Variants in ZNF407 observed in about 807,000 individuals in gnomAD.
The protein encoded by ZNF407 is zinc finger protein 407.
Under a neutral mutation model 131.2 loss-of-function variants are expected in ZNF407, and 17 were observed. The observed-to-expected ratio is 0.13, with a 90% CI of 0.09 to 0.19. ZNF407 has a LOEUF of 0.19. Among genes scored for constraint, ZNF407 ranks in the 10% least tolerant of loss-of-function variants. The pLI is 1.00. For missense variants in ZNF407, 2,681 were observed against 2,830.6 expected (o/e 0.95, Z 1.20); for synonymous variants, 1,156 against 1,062.0 (o/e 1.09, Z -1.72).
chr18:74,936,467 C>T (rs1024251314), intron 8 of ZNF407, among the ~76,000 whole-genome samples: 4 of 152,280 alleles, frequency 2.6e-5, no homozygotes, highest in Non-Finnish European at 2.9e-5. Flanking sequence ...TCTGCCCCTG[C>T]GCATTTAGGC....
At chr18:74,841,043 T>C (rs1333819266) in intron 4 of ZNF407, among the ~76,000 whole-genome samples, 2 of 152,226 alleles carry the variant, frequency 1.3e-5, no homozygotes, top group Non-Finnish European at 2.9e-5. Flanking sequence ...CAGGCCCACC[T>C]TTCACCTGCT....
rs1024236968 is a variant in ZNF407 at position 74,924,338 on chromosome 18, A to C, written c.5428+3646A>C. On this transcript the variant is annotated intron_variant, in intron 8 of 8. Transcript: ENST00000299687. ...TTTCTGTATATACTTAAAAAAAAAAACACCTTTCTCCACATCCAAGTTTCT... is the reference window on the plus strand; with the variant it reads ...TTTCTGTATATACTTAAAAAAAAAACCACCTTTCTCCACATCCAAGTTTCT... Among the ~76,000 whole-genome samples, 8 of 152,106 alleles carry C rather than the reference A, an allele frequency of 5.3e-5. No homozygotes were observed. The East Asian group carries it at 9.7e-4, about 18-fold the overall frequency.
At chr18:74,855,285 A>G (rs1457707443) in intron 4 of ZNF407, among the ~76,000 whole-genome samples, 1 of 152,224 alleles carries the variant, frequency 6.6e-6, no homozygotes, top group Non-Finnish European at 1.5e-5. Flanking sequence ...TTGAAAACAC[A>G]TTAACTTTAT....
chr18:74,987,915 C>T (rs1184571564), intron 8 of ZNF407, among the ~76,000 whole-genome samples: 1 of 152,116 alleles, frequency 6.6e-6, no homozygotes, highest in Non-Finnish European at 1.5e-5. Context: ...CCAGCCAAAT[C>T]CTAGGAGGCT....
At chr18:74,771,840 A>G (rs755605439) in intron 3 of ZNF407, among the ~76,000 whole-genome samples, 17 of 151,998 alleles carry the variant, frequency 1.1e-4, no homozygotes, top group Non-Finnish European at 2.4e-4. Flanking sequence ...AATATTGTGT[A>G]TACTTAATCC....
intron 3 of ZNF407, among the ~76,000 whole-genome samples, chr18:74,674,307 G>A (rs1356586976): frequency 6.6e-6 from 1 of 152,150 alleles, no homozygotes; most frequent in Non-Finnish European, 1.5e-5. Context: ...GGACTTTATA[G>A]CTTGAAATTG....
intron 5 of ZNF407, 105 bp from the exon 6 acceptor site, chr18:74,880,931 A>T: frequency 1.0e-6 from 1 of 958,632 alleles, no homozygotes; most frequent in Non-Finnish European, 1.6e-6. Context: ...ACATATTTAC[A>T]TGGAAACATT....
intron 3 of ZNF407, among the ~76,000 whole-genome samples, chr18:74,692,782 C>A (rs1967258047): frequency 6.6e-6 from 1 of 152,154 alleles, no homozygotes; most frequent in South Asian, 2.1e-4. Flanking sequence ...GCCTTCTTAG[C>A]TCTCCCCCAG....
chr18:74,943,003 G>C (rs1026110965), intron 8 of ZNF407, among the ~76,000 whole-genome samples: 1 of 151,638 alleles, frequency 6.6e-6, no homozygotes, highest in Admixed American at 6.6e-5. Context: ...TGCAACCTCT[G>C]CCTCCTGGGT....
Position 75,058,582 on chromosome 18 carries a change from A to G in ZNF407, c.5429-4568A>G, listed in dbSNP as rs539971841. ...TTAAAGGTACCGTAATACAAATACT[A>G]CATTGAGCATCCATGCCCCATTAAG... On this transcript the variant is annotated intron_variant, in intron 8 of 8. Coordinates refer to ENST00000299687, the MANE Select transcript of ZNF407 (RefSeq NM_017757.3). Among the ~76,000 whole-genome samples, 86 of 152,324 alleles carry G rather than the reference A, an allele frequency of 5.6e-4. 3 individuals are homozygous for G. In the South Asian group the frequency reaches 0.012, roughly 22 times the overall value.
chr18:74,789,988 T>C (rs891350071), intron 4 of ZNF407, among the ~76,000 whole-genome samples: 1 of 152,110 alleles, frequency 6.6e-6, no homozygotes, highest in Non-Finnish European at 1.5e-5. Flanking sequence ...CTGGCCACTG[T>C]CTTCTGTGAG....
chr18:74,855,538 T>C (rs1195124848), intron 4 of ZNF407, among the ~76,000 whole-genome samples: 5 of 152,194 alleles, frequency 3.3e-5, no homozygotes, highest in African/African-American at 1.2e-4. Flanking sequence ...ACTATTACTT[T>C]TAGTGTTTCA....
chr18:74,749,002 G>A (rs1342442114), intron 3 of ZNF407, among the ~76,000 whole-genome samples: 2 of 152,116 alleles, frequency 1.3e-5, no homozygotes, highest in African/African-American at 4.8e-5. Flanking sequence ...CGAAGAGAGC[G>A]CTTGGTGCTC....
At chr18:74,734,585 A>G (rs12956890) in intron 3 of ZNF407, among the ~76,000 whole-genome samples, 137,134 of 151,958 alleles carry the variant, frequency 0.9, 61,894 homozygotes, top group Admixed American at 0.9. Context: ...TAGTTTCAGT[A>G]CCAGGAAATA....
At chr18:74,645,635 CTT>C (rs978333988) in intron 3 of ZNF407, among the ~76,000 whole-genome samples, 26 of 98,950 alleles carry the variant, frequency 2.6e-4, no homozygotes, top group South Asian at 2.0e-3. Context: ...CAGTAAAACT[CTT>C]TGTGTGTGTG....
intron 8 of ZNF407, among the ~76,000 whole-genome samples, chr18:75,022,199 G>A (rs1046021114): frequency 2.6e-5 from 4 of 152,112 alleles, no homozygotes; most frequent in African/African-American, 9.7e-5. Context: ...TTGGTGTAAC[G>A]TGCATCTGCT....
chr18:74,983,445 C>T (rs144328929), intron 8 of ZNF407, among the ~76,000 whole-genome samples: 5 of 152,276 alleles, frequency 3.3e-5, no homozygotes, highest in South Asian at 2.1e-4. Context: ...GATAAACTTG[C>T]GTATAACAAC....
At chr18:74,957,701 A>T (rs1972292417) in intron 8 of ZNF407, among the ~76,000 whole-genome samples, 1 of 152,158 alleles carries the variant, frequency 6.6e-6, no homozygotes, top group African/African-American at 2.4e-5. Context: ...CAGTGCCGTA[A>T]TGGGAAGCTC....
intron 3 of ZNF407, among the ~76,000 whole-genome samples, chr18:74,661,455 A>G (rs1429712075): frequency 1.3e-5 from 2 of 150,200 alleles, no homozygotes; most frequent in Non-Finnish European, 3.0e-5. Context: ...ATCACATACA[A>G]ATCATTAAAA....
Sources: gnomAD v4.1 joint callset for allele counts (sites outside exome capture counted in the v4.1 genomes callset) on GRCh38, gnomAD v4.1.1 for gene constraint, MANE v1.5 for transcripts, NCBI Gene and HGNC (gene_info 2026-07-23, HGNC 2026-07-21) for gene names.